The following CD96 variants were observed in gnomAD, a reference collection of about 807,000 sequenced individuals.
The protein encoded by CD96 is T-cell surface protein tactile.
Under a neutral mutation model 71.3 loss-of-function variants are expected in CD96, and 70 were observed. That is an observed-to-expected ratio of 0.98 (90% CI 0.81 to 1.20). CD96 has a LOEUF of 1.20. Among genes scored for constraint, CD96 ranks in the 50% most tolerant of loss-of-function variants. The pLI, the probability that CD96 is intolerant of heterozygous loss-of-function variation, is 0.00. For synonymous variants in CD96, 248 were observed against 233.0 expected (o/e 1.06, Z -0.59); for missense variants, 742 against 677.5 (o/e 1.10, Z -1.06).
At chr3:111,566,420 A>G (rs1007979006) in intron 2 of CD96, among the ~76,000 whole-genome samples, 3 of 152,150 alleles carry the variant, frequency 2.0e-5, no homozygotes, top group African/African-American at 7.2e-5. Flanking sequence ...ATATATGATA[A>G]AATGACATGA....
downstream of CD96, among the ~76,000 whole-genome samples, chr3:111,653,824 T>TA (rs1212450605): frequency 1.3e-5 from 2 of 152,104 alleles, no homozygotes; most frequent in Non-Finnish European, 2.9e-5. Flanking sequence ...TTTTTTTTTT[T>TA]ATGCCTTGGT....
At position 111,650,023 on chromosome 3, in the gene CD96, C is replaced by T. The variant is rs1940007521; in HGVS notation, c.*217C>T. On this transcript the variant is annotated 3_prime_UTR_variant, in exon 14 of 14. Transcript: ENST00000352690. Reference sequence around the variant, plus strand: ...TGAGAGGATATGTCATGTTCACACTCAATGCAATTCGTAGTGGTTTTCTTG... The same window carrying T: ...TGAGAGGATATGTCATGTTCACACTTAATGCAATTCGTAGTGGTTTTCTTG... The T allele has an allele frequency of 3.6e-6, 2 of 560,942 alleles. No individual in the cohort carries two copies. Among genetic ancestry groups the T allele is most frequent in the Admixed American group, 2.9e-5 (1 of 34,484 alleles). 34.7% of individuals were successfully genotyped at this position (560,942 alleles called of 1,614,324 possible). A position where few individuals can be genotyped will look rare whatever the true frequency, so the allele number is the denominator to read the frequency against.
chr3:111,637,766 T>C (rs1939399544), intron 11 of CD96, among the ~76,000 whole-genome samples: 1 of 150,200 alleles, frequency 6.7e-6, no homozygotes, highest in South Asian at 2.1e-4. Flanking sequence ...TTAGCAGACA[T>C]CATTTTGTTG....
chr3:111,591,997 G>A (rs1011649457), intron 5 of CD96, among the ~76,000 whole-genome samples: 1 of 152,222 alleles, frequency 6.6e-6, no homozygotes, highest in Non-Finnish European at 1.5e-5. Context: ...AGAGAGGTTG[G>A]TGCCCACAAA....
At chr3:111,664,727 A>G (rs1035793963) in intron 14 of CD96, among the ~76,000 whole-genome samples, 1 of 152,256 alleles carries the variant, frequency 6.6e-6, no homozygotes, top group Non-Finnish European at 1.5e-5. Flanking sequence ...AAAAATGTCA[A>G]TATAAAGAAA....
At chr3:111,644,396 CTCAGGCAAGGATT>C (rs1206432772) in intron 12 of CD96, among the ~76,000 whole-genome samples, 8 of 151,976 alleles carry the variant, frequency 5.3e-5, no homozygotes, top group Admixed American at 5.2e-4. Context: ...TAGACATGAG[CTCAGGCAAGGATT>C]TCATGACCAA....
At chr3:111,629,625 A>T (rs1191376117) in intron 10 of CD96, among the ~76,000 whole-genome samples, 1 of 152,152 alleles carries the variant, frequency 6.6e-6, no homozygotes, top group Non-Finnish European at 1.5e-5. Context: ...AAATCAACAA[A>T]GACATTCAGG....
chr3:111,618,639 C>T (rs1048824042), intron 8 of CD96, among the ~76,000 whole-genome samples: 1 of 140,266 alleles, frequency 7.1e-6, no homozygotes, highest in Non-Finnish European at 1.5e-5. Context: ...GGCTGGAGTA[C>T]AGTGGCACGA....
chr3:111,653,700 T>G (rs1940160484), downstream of CD96, among the ~76,000 whole-genome samples: 1 of 152,204 alleles, frequency 6.6e-6, no homozygotes, highest in Non-Finnish European at 1.5e-5. Flanking sequence ...TAATCAATAT[T>G]TAATTGCTTT....
chr3:111,542,347 G>A (rs769174658), intron 1 of CD96, 38 bp downstream of exon 1: 96 of 1,474,368 alleles, frequency 6.5e-5, no homozygotes, highest in African/African-American at 9.7e-5. Context: ...CGGATGGGCC[G>A]CTTTAGGGGC....
At chr3:111,593,829 T>C in intron 5 of CD96, 1 of 1,614,154 alleles carries the variant, frequency 6.2e-7, no homozygotes, top group African/African-American at 1.3e-5. Context: ...CCGTGGGGCC[T>C]TGGATCCTGG....
chr3:111,612,462 T>A (rs148199402), intron 8 of CD96, among the ~76,000 whole-genome samples: 1 of 152,240 alleles, frequency 6.6e-6, no homozygotes, highest in Non-Finnish European at 1.5e-5. Flanking sequence ...GCAATAATAT[T>A]AATATTTGTT....
In CD96 at chr3:111,570,403, C is replaced by T. The variant is rs184345094; in HGVS notation, c.543+2756C>T. Among the ~76,000 whole-genome samples the T allele has an allele frequency of 4.3e-4, 65 of 152,208 alleles. 1 individual carries two copies. Among genetic ancestry groups the T allele is most frequent in the Non-Finnish European group, 8.1e-4 (55 of 68,002 alleles). On this transcript the variant is annotated intron_variant, in intron 3 of 13. Transcript: ENST00000352690. ...GGGATCAAAGGTTGTGCAGAAGCAC[C>T]TTCCCCACCTCCTGCCTCATGAGAT...
chr3:111,640,178 G>C (rs1011996956), intron 12 of CD96, among the ~76,000 whole-genome samples: 1 of 152,078 alleles, frequency 6.6e-6, no homozygotes, highest in Non-Finnish European at 1.5e-5. Flanking sequence ...AGTTATTTAA[G>C]CTAATCAGAG....
chr3:111,647,099 A>AC (rs1939864944), intron 12 of CD96, among the ~76,000 whole-genome samples: 1 of 151,478 alleles, frequency 6.6e-6, no homozygotes, highest in African/African-American at 2.4e-5. Flanking sequence ...AAAAAAAAAA[A>AC]AAAAAAAAAA....
intron 3 of CD96, chr3:111,570,866 C>G: frequency 4.3e-6 from 7 of 1,609,412 alleles, no homozygotes; most frequent in Non-Finnish European, 6.0e-6. Flanking sequence ...GTCCTGACCG[C>G]TCTTCCAAGG....
rs193254047 is a variant in CD96 at position 111,606,830 on chromosome 3, A to T, written c.1180+38A>T. 6.5e-4 allele frequency: 746 copies of T among 1,153,352 alleles called. No individual in the cohort carries two copies. The highest frequency in any genetic ancestry group is 6.8e-4 in the Non-Finnish European group (516 of 759,394). The allele number at this position is 1,153,352 out of a possible 1,614,324, so 71.4% of individuals were successfully genotyped here. A position where few individuals can be genotyped will look rare whatever the true frequency, so the allele number is the denominator to read the frequency against. On this transcript the variant is annotated intron_variant, in intron 8 of 13. Transcript: ENST00000352690. ...TCACACTGAGCTATTGATTTAACCA[A>T]GCAGATTGATAACGATAAAATTTCA...
intron 8 of CD96, among the ~76,000 whole-genome samples, chr3:111,619,157 G>C (rs551517392): frequency 3.9e-5 from 6 of 152,146 alleles, no homozygotes; most frequent in Non-Finnish European, 8.8e-5. Context: ...GAGATGACCA[G>C]AATTAGCTCT....
At chr3:111,602,716 G>A (rs1937524549) in intron 7 of CD96, among the ~76,000 whole-genome samples, 1 of 152,172 alleles carries the variant, frequency 6.6e-6, no homozygotes, top group Admixed American at 6.5e-5. Flanking sequence ...GAACTCCGGA[G>A]TAAACTTCTG....
Sources: allele counts gnomAD v4.1 joint callset (sites outside exome capture counted in the v4.1 genomes callset), GRCh38; gene constraint gnomAD v4.1.1; transcripts MANE v1.5; gene names NCBI Gene and HGNC (gene_info 2026-07-23, HGNC 2026-07-21).